RNF216: variants seen among roughly 807,000 people sequenced by gnomAD.
RNF216 encodes E3 ubiquitin-protein ligase RNF216.
A neutral mutation model predicts 110.8 loss-of-function variants in RNF216; 72 were observed. That is an observed-to-expected ratio of 0.65 (90% CI 0.54 to 0.79). The LOEUF is 0.79. Ranked by LOEUF, RNF216 falls within the 30% of genes least tolerant of loss-of-function variation. The probability of loss-of-function intolerance (pLI) is 0.00; values close to 1 mark genes in which losing one functional copy is unlikely to be tolerated. For synonymous variants in RNF216, 495 were observed against 407.5 expected (o/e 1.21, Z -2.59); for missense variants, 1,342 against 1,141.2 (o/e 1.18, Z -2.54).
intron 1 of RNF216, among the ~76,000 whole-genome samples, chr7:5,766,558 T>C (rs758778756): frequency 1.3e-5 from 2 of 151,806 alleles, no homozygotes; most frequent in Non-Finnish European, 1.5e-5. Flanking sequence ...GAGAAGGCAG[T>C]TGTCTGAGAT....
intron 4 of RNF216, 108 bp from the exon 5 acceptor site, chr7:5,739,460 A>G: frequency 9.2e-7 from 1 of 1,082,680 alleles, no homozygotes; most frequent in Non-Finnish European, 1.4e-6. Flanking sequence ...AGACTAGAAA[A>G]GGGCTGTGAA....
chr7:5,698,093 T>C (rs1293867646), intron 13 of RNF216, among the ~76,000 whole-genome samples: 2 of 151,164 alleles, frequency 1.3e-5, no homozygotes, highest in Admixed American at 6.6e-5. Context: ...TATGAGGCTA[T>C]GGGGATTTCA....
chr7:5,657,635 A>C (rs1419213415), intron 13 of RNF216, among the ~76,000 whole-genome samples: 4 of 152,172 alleles, frequency 2.6e-5, no homozygotes, highest in Non-Finnish European at 5.9e-5. Flanking sequence ...TAAAAGGCCC[A>C]CACACTTGAC....
At chr7:5,677,884 T>A (rs936363654) in intron 13 of RNF216, among the ~76,000 whole-genome samples, 6 of 152,184 alleles carry the variant, frequency 3.9e-5, no homozygotes, top group African/African-American at 1.4e-4. Flanking sequence ...AAACAGCTCT[T>A]TGCTCTCTTC....
chr7:5,777,489 A>AGGG (rs1294275360), intron 1 of RNF216: 1 of 152,206 alleles, frequency 6.6e-6, no homozygotes, highest in Non-Finnish European at 1.5e-5. Context: ...AACAGTACCT[A>AGGG]GGGGGAGGAG....
At chr7:5,742,895 C>T (rs911908236) in intron 3 of RNF216, among the ~76,000 whole-genome samples, 3 of 151,936 alleles carry the variant, frequency 2.0e-5, no homozygotes, top group Non-Finnish European at 2.9e-5. Context: ...CGCGCTTGGC[C>T]GATGTGTGAA....
At position 5,777,197 on chromosome 7, in the gene RNF216, T is replaced by C. The variant is rs766051319; in HGVS notation, c.-70+4344A>G. 8.1e-4 allele frequency among the ~76,000 whole-genome samples: 123 copies of C among 152,308 alleles called. 1 individual carries two copies. The highest frequency in any genetic ancestry group is 4.8e-3 in the Admixed American group (74 of 15,288). On this transcript the variant is annotated intron_variant, in intron 1 of 16. Transcript: ENST00000389902. ...ATTGTGGAAGCGGATGCTCCAGCAC[T>C]GGCCACCTCTGCTGACAACATGTCG...
chr7:5,652,414 T>A lies in RNF216; in HGVS notation c.2158A>T (p.Ile720Phe). Residue 720 changes from isoleucine (I) to phenylalanine (F), a missense_variant and splice_region_variant, in exon 14 of 17, where the codon ATT (isoleucine) becomes TTT (phenylalanine). Coordinates refer to ENST00000389902, the MANE Select transcript of RNF216 (RefSeq NM_207111.4). Reference protein sequence around the residue: ...EKDDIKYRTSIEEKMTAARIR... With the variant: ...EKDDIKYRTSFEEKMTAARIR... ...GCCCCTCTGAATTCTGTTACTCACA[T>A]AGAGGTACGGTACTTGATGTCGTCT... is the stretch of plus-strand genomic sequence containing the variant. 1 of 1,604,642 alleles carries A rather than the reference T, an allele frequency of 6.2e-7. No homozygotes were observed. The highest frequency in any genetic ancestry group is 8.5e-7 in the Non-Finnish European group (1 of 1,171,506).
chr7:5,708,118 T>C (rs372766874), intron 13 of RNF216, among the ~76,000 whole-genome samples: 32 of 152,356 alleles, frequency 2.1e-4, no homozygotes, highest in African/African-American at 7.5e-4. Flanking sequence ...CTTGGTATGA[T>C]TTTGATCTTA....
chr7:5,692,354 G>A (rs1371332030), intron 13 of RNF216, among the ~76,000 whole-genome samples: 2 of 152,190 alleles, frequency 1.3e-5, no homozygotes, highest in Admixed American at 1.3e-4. Flanking sequence ...ACCCAAAGCA[G>A]ACATTTTTAA....
chr7:5,622,142 G>A lies in RNF216; in HGVS notation c.*718C>T, dbSNP rs531098680. Reference sequence around the variant, plus strand: ...AGGCTCTTTCAATGGGCCAGCTTCAGAACCATCCAGTGTACCGCAGCGGCC... The same window carrying A: ...AGGCTCTTTCAATGGGCCAGCTTCAAAACCATCCAGTGTACCGCAGCGGCC... On this transcript the variant is annotated 3_prime_UTR_variant, in exon 17 of 17. Transcript: ENST00000389902. The A allele has an allele frequency of 4.4e-4, 67 of 152,444 alleles. No individual in the cohort carries two copies. Among genetic ancestry groups the A allele is most frequent in the Admixed American group, 9.1e-4 (14 of 15,312 alleles). 9.4% of individuals were successfully genotyped at this position (152,444 alleles called of 1,614,324 possible). A position where few individuals can be genotyped will look rare whatever the true frequency, so the allele number is the denominator to read the frequency against.
chr7:5,690,893 C>A (rs1435984976), intron 13 of RNF216, among the ~76,000 whole-genome samples: 1 of 152,158 alleles, frequency 6.6e-6, no homozygotes, highest in Admixed American at 6.5e-5. Context: ...ACACATTCAT[C>A]ATGGAATTGC....
At chr7:5,753,089 T>A in intron 2 of RNF216, 110 bp from the exon 3 acceptor site, 1 of 1,083,526 alleles carries the variant, frequency 9.2e-7, no homozygotes. Context: ...TGGCTACTAG[T>A]GTAACGTACC....
chr7:5,748,844 C>G (rs1795182485), intron 3 of RNF216, among the ~76,000 whole-genome samples: 2 of 152,220 alleles, frequency 1.3e-5, no homozygotes, highest in South Asian at 4.1e-4. Flanking sequence ...GCACCCCTAA[C>G]CACCATGTTG....
intron 1 of RNF216, among the ~76,000 whole-genome samples, chr7:5,764,298 A>T (rs1311764194): frequency 6.6e-6 from 1 of 152,140 alleles, no homozygotes; most frequent in African/African-American, 2.4e-5. Flanking sequence ...GTAAAAATAA[A>T]ACCACACATA....
intron 7 of RNF216, among the ~76,000 whole-genome samples, chr7:5,728,356 G>C (rs892452344): frequency 6.6e-6 from 1 of 152,048 alleles, no homozygotes; most frequent in Non-Finnish European, 1.5e-5. Context: ...GAGGTGGGCA[G>C]ATCATCTGAG....
At chr7:5,673,124 A>ATG (rs1790029428) in intron 13 of RNF216, among the ~76,000 whole-genome samples, 1 of 152,134 alleles carries the variant, frequency 6.6e-6, no homozygotes, top group Non-Finnish European at 1.5e-5. Context: ...CCGGAGACCA[A>ATG]TGTGTCCTCT....
intron 1 of RNF216, chr7:5,777,383 A>G (rs544974417): frequency 1.3e-5 from 2 of 152,360 alleles, no homozygotes; most frequent in African/African-American, 4.8e-5. Flanking sequence ...AGCCAATGGG[A>G]AGCAATGCAA....
intron 4 of RNF216, chr7:5,739,688 C>T (rs1794643777): frequency 4.3e-6 from 2 of 463,774 alleles, no homozygotes; most frequent in South Asian, 1.6e-5. Context: ...AAGCAGCACA[C>T]AACCTAGTGC....
Sources: allele counts gnomAD v4.1 joint callset (sites outside exome capture counted in the v4.1 genomes callset), GRCh38; gene constraint gnomAD v4.1.1; transcripts MANE v1.5; gene names NCBI Gene and HGNC (gene_info 2026-07-23, HGNC 2026-07-21).